GRIN2D: variants seen among roughly 807,000 people sequenced by gnomAD.
GRIN2D encodes the protein glutamate receptor ionotropic, NMDA 2D.
GRIN2D carries 37 observed loss-of-function variants against 103.2 expected under a neutral mutation model. That is an observed-to-expected ratio of 0.36 (90% confidence interval 0.28 to 0.47). The LOEUF (loss-of-function observed/expected upper bound fraction) is 0.47, where lower values mean the gene tolerates loss of function less well. Among genes scored for constraint, GRIN2D ranks in the 20% least tolerant of loss-of-function variants. The pLI is 1.00. For missense variants in GRIN2D, 1,557 were observed against 1,910.6 expected, an observed-to-expected ratio of 0.81 and a Z score of 3.45; for synonymous variants, 845 against 885.6, an observed-to-expected ratio of 0.95 and a Z score of 0.81.
At chr19:48,412,357 A>G (rs1379685554) in intron 4 of GRIN2D, among the ~76,000 whole-genome samples, 1 of 150,406 alleles carries the variant, frequency 6.6e-6, no homozygotes, top group Non-Finnish European at 1.5e-5. Context: ...ACATACATAC[A>G]TACATAAAAA....
chr19:48,436,669 A>G lies in GRIN2D; in HGVS notation c.2253-5100A>G, dbSNP rs553440410. On this transcript the variant is annotated intron_variant, in intron 11 of 13. Transcript: ENST00000263269. ...CTATGCCCAGGAATAAGCAAGGACA[A>G]CTTAAGGGTTAGAAGCAAGATGGAG... 1.4e-3 allele frequency among the ~76,000 whole-genome samples: 217 copies of G among 152,358 alleles called. 1 individual carries two copies. Among genetic ancestry groups the G allele is most frequent in the Non-Finnish European group, 2.7e-3 (187 of 68,038 alleles).
chr19:48,421,933 A>G lies in GRIN2D; in HGVS notation c.2240A>G (p.Gln747Arg). The change falls in exon 11 of 14, where the codon CAG becomes CGG. Residue 747 changes from glutamine (Q) to arginine (R), a missense_variant. Around this residue, in one of 7 missense-constraint regions of GRIN2D, gnomAD observed 138 missense variants for 270.2 expected, o/e 0.51. Transcript: ENST00000263269. This position sits in a 1 kb window ranked among gnomAD's most constrained non-coding sequence, Gnocchi z 4.8. ...NQPRVEEALTQLKAGKLDAFI... is the reference protein window; with the variant it reads ...NQPRVEEALTRLKAGKLDAFI... ...CCCCGCGTAGAGGAAGCGCTCACTC[A>G]GCTCAAGGCAGGGTCAGCGCAGACT... is the stretch of plus-strand genomic sequence containing the variant. 2.5e-6 allele frequency: 4 copies of G among 1,614,020 alleles called. No individual in the cohort carries two copies. The highest frequency in any genetic ancestry group is 3.4e-6 in the Non-Finnish European group (4 of 1,179,916).
chr19:48,427,966 C>G (rs1971107559), intron 11 of GRIN2D, among the ~76,000 whole-genome samples: 2 of 151,430 alleles, frequency 1.3e-5, no homozygotes, highest in African/African-American at 2.4e-5. Flanking sequence ...CCAGGCCTGC[C>G]TCTCCTTGGC....
intron 2 of GRIN2D, among the ~76,000 whole-genome samples, chr19:48,395,760 G>C (rs1384852930): frequency 3.3e-5 from 5 of 152,118 alleles, no homozygotes; most frequent in Non-Finnish European, 4.4e-5. Context: ...AGGATGTTGG[G>C]AAGGATAGGG....
chr19:48,443,184 C>A lies in GRIN2D; in HGVS notation c.3258C>A (p.Gly1086=). 9.1e-7 allele frequency: 1 copy of A among 1,098,396 alleles called. No homozygotes were observed. The highest frequency in any genetic ancestry group is 4.2e-5 in the South Asian group (1 of 23,804). 68.0% of individuals were successfully genotyped at this position (1,098,396 alleles called of 1,614,324 possible). Residue 1086 remains glycine (G), a synonymous_variant, in exon 14 of 14, where the codon GGC becomes GGA. Coordinates refer to ENST00000263269, the MANE Select transcript of GRIN2D (RefSeq NM_000836.4). The surrounding 1 kb of genome is among the most constrained non-coding windows in gnomAD (Gnocchi z 8.9). ...GCGCGGGGGGCACGGGGGGCGCAGGCGGAGGAGCCCCGGCCGCTCCGCCCC... is the reference window on the plus strand; with the variant it reads ...GCGCGGGGGGCACGGGGGGCGCAGGAGGAGGAGCCCCGGCCGCTCCGCCCC... ...AGGAGGTGGA[G]GGAPAAPPPC... is the part of the protein sequence containing the mutation.
chr19:48,442,445 G>T lies in GRIN2D; in HGVS notation c.2673+63G>T. ...CAGGGGCGGGGACAAAGGTAAAGCC[G>T]AGCAGAGACAAGGAGATGTGGGTCG... On this transcript the variant is annotated intron_variant, in intron 13 of 13. Coordinates refer to ENST00000263269, the MANE Select transcript of GRIN2D (RefSeq NM_000836.4). This position sits in a 1 kb window ranked among gnomAD's most constrained non-coding sequence, Gnocchi z 7.2. 6.4e-7 allele frequency: 1 copy of T among 1,558,508 alleles called. No individual in the cohort carries two copies. Among genetic ancestry groups the T allele is most frequent in the South Asian group, 1.1e-5 (1 of 88,860 alleles).
chr19:48,396,746 G>C (rs765225808), intron 2 of GRIN2D, among the ~76,000 whole-genome samples: 3 of 152,106 alleles, frequency 2.0e-5, no homozygotes, highest in Admixed American at 6.5e-5. Context: ...CTGTGGCCTC[G>C]AGGCAGGGGA....
chr19:48,414,815 G>T lies in GRIN2D; in HGVS notation c.1413-49G>T, dbSNP rs1221575176. 6.3e-7 allele frequency: 1 copy of T among 1,594,888 alleles called. No homozygotes were observed. On this transcript the variant is annotated intron_variant, in intron 6 of 13. Coordinates refer to ENST00000263269, the MANE Select transcript of GRIN2D (RefSeq NM_000836.4). The surrounding 1 kb of genome is among the most constrained non-coding windows in gnomAD (Gnocchi z 4.6). ...CTCCATATCCTCTCTTCATGAGAGA[G>T]TCTAAGGAGGGGGTCCCCAAACTCC...
intron 3 of GRIN2D, among the ~76,000 whole-genome samples, chr19:48,403,849 CG>C (rs368390012): frequency 6.6e-6 from 1 of 152,296 alleles, no homozygotes; most frequent in Non-Finnish European, 1.5e-5. Flanking sequence ...GTTCCCTTAC[CG>C]GATGCTGGTT....
intron 4 of GRIN2D, among the ~76,000 whole-genome samples, chr19:48,412,417 AAAGAAAAGAAAG>A (rs1235196704): frequency 7.5e-6 from 1 of 133,486 alleles, no homozygotes; most frequent in East Asian, 2.3e-4. Context: ...AAAGAAAGAG[AAAGAAAAGAAAG>A]AAAGAAAGAA....
chr19:48,406,699 G>A (rs1970795840), intron 4 of GRIN2D, among the ~76,000 whole-genome samples: 1 of 152,180 alleles, frequency 6.6e-6, no homozygotes. Flanking sequence ...CTGTAAGAGT[G>A]GCAGACAGGG....
Position 48,442,376 on chromosome 19 carries a change from C to T in GRIN2D, c.2667C>T (p.Phe889=). Residue 889 remains phenylalanine (F), a synonymous_variant, in exon 13 of 14, where the codon TTC becomes TTT. Transcript: ENST00000263269. This position sits in a 1 kb window ranked among gnomAD's most constrained non-coding sequence, Gnocchi z 7.2. ...ACCGCATGGACTTCCTGCTGGCCTT[C>T]TCCAGGGTATGGGGCAGAGAGGGAG... ...PTHRMDFLLA[F]SRGMYSCCSA... 1 of 1,610,140 alleles carries T rather than the reference C, an allele frequency of 6.2e-7. No individual in the cohort carries two copies. Among genetic ancestry groups the T allele is most frequent in the South Asian group, 1.1e-5 (1 of 91,058 alleles).
intron 3 of GRIN2D, among the ~76,000 whole-genome samples, chr19:48,399,872 G>A (rs1970688028): frequency 7.7e-6 from 1 of 129,968 alleles, no homozygotes; most frequent in South Asian, 2.8e-4. Flanking sequence ...GGCGGGGCTA[G>A]CCAGTTGGGG....
chr19:48,423,359 C>G lies in GRIN2D; in HGVS notation c.2252+1414C>G, dbSNP rs149642577. Among the ~76,000 whole-genome samples, 373 of 152,250 alleles carry G rather than the reference C, an allele frequency of 2.4e-3. 1 individual carries two copies. The highest frequency in any genetic ancestry group is 8.4e-3 in the African/African-American group (350 of 41,524). On this transcript the variant is annotated intron_variant, in intron 11 of 13. Transcript: ENST00000263269. ...TTCTTATCCTCTGCTGTACGCTAAG[C>G]GGTGAACAAATAGACCCGATTCCTA...
At chr19:48,408,431 C>T (rs543188774) in intron 4 of GRIN2D, among the ~76,000 whole-genome samples, 20 of 151,440 alleles carry the variant, frequency 1.3e-4, no homozygotes, top group Non-Finnish European at 1.9e-4. Context: ...CCTTGGAGAT[C>T]GAGGCTGTAA....
Position 48,443,009 on chromosome 19 carries a change from C to A in GRIN2D, c.3083C>A (p.Pro1028Gln). The A allele has an allele frequency of 1.9e-6, 2 of 1,073,388 alleles. No homozygotes were observed. Among genetic ancestry groups the A allele is most frequent in the Non-Finnish European group, 1.1e-6 (1 of 887,690 alleles). The allele number at this position is 1,073,388 out of a possible 1,614,324, so 66.5% of individuals were successfully genotyped here. ...EPPAGAFPGFPSPPAPPAAAA... is the reference protein window; with the variant it reads ...EPPAGAFPGFQSPPAPPAAAA... ...CCCGCCGGCGCCTTCCCCGGCTTCC[C>A]GTCGCCGCCCGCGCCCCCCGCCGCC... Residue 1028 changes from proline to glutamine, a missense_variant, in exon 14 of 14, where the codon CCG becomes CAG. By Grantham distance (76) the Pro-to-Gln change is moderately conservative. Coordinates refer to ENST00000263269, the MANE Select transcript of GRIN2D (RefSeq NM_000836.4). The surrounding 1 kb of genome is among the most constrained non-coding windows in gnomAD (Gnocchi z 8.9).
intron 2 of GRIN2D, among the ~76,000 whole-genome samples, chr19:48,396,733 G>A (rs186709822): frequency 2.0e-5 from 3 of 151,922 alleles, no homozygotes; most frequent in Non-Finnish European, 2.9e-5. Context: ...CAGAGGGGAC[G>A]GGCTGTGGCC....
chr19:48,404,627 A>G, intron 3 of GRIN2D, 107 bp from the exon 4 acceptor site: 2 of 1,126,194 alleles, frequency 1.8e-6, no homozygotes, highest in Non-Finnish European at 2.5e-6. Flanking sequence ...GGTTTAGTGA[A>G]CCTGTCGAGT....
At chr19:48,422,605 G>A (rs949913245) in intron 11 of GRIN2D, among the ~76,000 whole-genome samples, 4 of 142,752 alleles carry the variant, frequency 2.8e-5, no homozygotes, top group Non-Finnish European at 4.5e-5. Flanking sequence ...GCGAGACTCC[G>A]TCTCAAAAAA....
Sources: allele counts gnomAD v4.1 joint callset (sites outside exome capture counted in the v4.1 genomes callset), GRCh38; gene constraint gnomAD v4.1.1; regional missense constraint gnomAD v4.1.1; non-coding constraint Gnocchi (gnomAD v3.1); transcripts MANE v1.5; gene names NCBI Gene and HGNC (gene_info 2026-07-23, HGNC 2026-07-21).